APBB2: variants seen among roughly 807,000 people sequenced by gnomAD.
APBB2 encodes the protein amyloid beta precursor protein binding family B member 2.
Under a neutral mutation model 82.5 loss-of-function variants are expected in APBB2, and 38 were observed. The observed-to-expected ratio is 0.46, with a 90% CI of 0.36 to 0.60. The LOEUF is 0.60. APBB2 is among the 20% of genes least tolerant of loss of function. The pLI is 0.00. For missense variants in APBB2, 772 were observed against 972.3 expected (o/e 0.79, Z 2.74); for synonymous variants, 341 against 368.2 (o/e 0.93, Z 0.85).
chr4:41,210,562 C>T (rs1423257929), intron 1 of APBB2, among the ~76,000 whole-genome samples: 1 of 152,240 alleles, frequency 6.6e-6, no homozygotes, highest in African/African-American at 2.4e-5. Flanking sequence ...ACTAATAACA[C>T]ATTAAAATCA....
At chr4:41,001,996 C>A (rs533365010) in intron 6 of APBB2, among the ~76,000 whole-genome samples, 83 of 152,282 alleles carry the variant, frequency 5.5e-4, no homozygotes, top group African/African-American at 1.9e-3. Flanking sequence ...CACTTTCTGA[C>A]CATTCCACAT....
intron 6 of APBB2, among the ~76,000 whole-genome samples, chr4:40,999,497 G>C (rs1804557543): frequency 6.6e-6 from 1 of 152,132 alleles, no homozygotes; most frequent in Admixed American, 6.5e-5. Context: ...GTTTATTCTA[G>C]GCACTAAGGA....
At chr4:41,038,410 T>C (rs185894960) in intron 4 of APBB2, among the ~76,000 whole-genome samples, 1 of 152,328 alleles carries the variant, frequency 6.6e-6, no homozygotes, top group Non-Finnish European at 1.5e-5. Context: ...CTTCTCAATG[T>C]GCCTAGCTCT....
chr4:41,119,273 G>A (rs910034239), intron 2 of APBB2, among the ~76,000 whole-genome samples: 6 of 151,966 alleles, frequency 3.9e-5, no homozygotes, highest in South Asian at 2.1e-4. Flanking sequence ...GCACTGAAAC[G>A]TGTGAATGGG....
At chr4:40,909,407 A>G (rs1421998950) in intron 10 of APBB2, among the ~76,000 whole-genome samples, 1 of 152,220 alleles carries the variant, frequency 6.6e-6, no homozygotes, top group Non-Finnish European at 1.5e-5. Flanking sequence ...CAGGCTGACA[A>G]ACAACGATGC....
intron 2 of APBB2, among the ~76,000 whole-genome samples, chr4:41,133,116 A>AT (rs1017999794): frequency 1.3e-5 from 2 of 152,136 alleles, no homozygotes; most frequent in Non-Finnish European, 2.9e-5. Flanking sequence ...TCCACAAGGC[A>AT]TTTTTTTCAT....
At chr4:41,173,867 T>G (rs912460990) in intron 1 of APBB2, among the ~76,000 whole-genome samples, 1 of 152,090 alleles carries the variant, frequency 6.6e-6, no homozygotes, top group Non-Finnish European at 1.5e-5. Context: ...TCCCCACCAC[T>G]AAGTGATGCA....
intron 6 of APBB2, among the ~76,000 whole-genome samples, chr4:40,987,406 G>A (rs1347581779): frequency 4.6e-5 from 7 of 152,082 alleles, no homozygotes; most frequent in South Asian, 2.1e-4. Flanking sequence ...AAGGTTTGAC[G>A]GTTTGATTAC....
At chr4:41,067,465 C>T (rs1021733287) in intron 3 of APBB2, among the ~76,000 whole-genome samples, 1 of 150,088 alleles carries the variant, frequency 6.7e-6, no homozygotes, top group Admixed American at 6.6e-5. Flanking sequence ...GGGGGAGATA[C>T]TGAGATATTC....
intron 5 of APBB2, among the ~76,000 whole-genome samples, chr4:41,030,224 A>T (rs1403680211): frequency 6.6e-6 from 1 of 152,152 alleles, no homozygotes; most frequent in African/African-American, 2.4e-5. Context: ...CAAGAAAGAA[A>T]AAGGCATTCC....
intron 1 of APBB2, among the ~76,000 whole-genome samples, chr4:41,159,866 A>T (rs901366809): frequency 7.0e-6 from 1 of 141,956 alleles, no homozygotes; most frequent in Non-Finnish European, 1.5e-5. Context: ...GAAGGAAGCA[A>T]TAGGCTTAAG....
chr4:41,203,657 A>T (rs1330305611), intron 1 of APBB2, among the ~76,000 whole-genome samples: 1 of 152,170 alleles, frequency 6.6e-6, no homozygotes, highest in Non-Finnish European at 1.5e-5. Flanking sequence ...AGAGGGCCCC[A>T]AAGTCTAAGT....
chr4:41,087,779 CA>C (rs1453587765), intron 3 of APBB2, among the ~76,000 whole-genome samples: 5 of 152,140 alleles, frequency 3.3e-5, no homozygotes, highest in Admixed American at 6.5e-5. Flanking sequence ...TTCAGGCCTA[CA>C]GTGGGACATT....
intron 2 of APBB2, among the ~76,000 whole-genome samples, chr4:41,123,907 G>A (rs1162194400): frequency 6.6e-6 from 1 of 152,112 alleles, no homozygotes; most frequent in Admixed American, 6.6e-5. Context: ...GAAGGGCAGA[G>A]ATATCTGTAA....
intron 6 of APBB2, among the ~76,000 whole-genome samples, chr4:40,967,720 G>A (rs748022526): frequency 5.9e-5 from 9 of 152,182 alleles, no homozygotes; most frequent in Admixed American, 2.6e-4. Context: ...AGCGTGAGCC[G>A]AGTGCAGTCT....
At chr4:41,135,327 G>A (rs932139089) in intron 2 of APBB2, among the ~76,000 whole-genome samples, 4 of 152,012 alleles carry the variant, frequency 2.6e-5, no homozygotes, top group African/African-American at 7.2e-5. Flanking sequence ...AAACTGCACC[G>A]AAAGATTTTT....
chr4:40,895,869 T>C (rs28503809), intron 10 of APBB2, among the ~76,000 whole-genome samples: 1 of 152,194 alleles, frequency 6.6e-6, no homozygotes, highest in Non-Finnish European at 1.5e-5. Context: ...ACTGTACCCA[T>C]GTTATACATG....
intron 6 of APBB2, among the ~76,000 whole-genome samples, chr4:41,009,371 A>G (rs1038040840): frequency 6.6e-5 from 10 of 152,208 alleles, no homozygotes; most frequent in Admixed American, 6.5e-4. Flanking sequence ...TCCTTTTTCA[A>G]ATAGCCTCTT....
intron 1 of APBB2, among the ~76,000 whole-genome samples, chr4:41,153,759 A>G (rs1762830028): frequency 6.6e-6 from 1 of 152,220 alleles, no homozygotes; most frequent in Admixed American, 6.5e-5. Flanking sequence ...TCCGGCTGTC[A>G]GAAACATAAT....
Sources: allele counts gnomAD v4.1 joint callset (sites outside exome capture counted in the v4.1 genomes callset), GRCh38; gene constraint gnomAD v4.1.1; transcripts MANE v1.5; gene names NCBI Gene and HGNC (gene_info 2026-07-23, HGNC 2026-07-21).